The following FAM135B variants were observed in gnomAD, a reference collection of about 807,000 sequenced individuals.
FAM135B encodes family with sequence similarity 135 member B.
Under a neutral mutation model 127.7 loss-of-function variants are expected in FAM135B, and 43 were observed. That is an observed-to-expected ratio of 0.34 (90% CI 0.26 to 0.43). The LOEUF is 0.43. Among genes scored for constraint, FAM135B ranks in the 20% least tolerant of loss-of-function variants. FAM135B has a pLI of 1.00. For synonymous variants in FAM135B, 670 were observed against 665.1 expected (o/e 1.01, Z -0.11); for missense variants, 1,558 against 1,725.6 (o/e 0.90, Z 1.72).
At position 138,259,457 on chromosome 8, in the gene FAM135B, T is replaced by C. The variant is rs376654034; in HGVS notation, c.298-2698A>G. On this transcript the variant is annotated intron_variant, in intron 4 of 19. Transcript: ENST00000395297. ...ATTACACCTACTTGCAAAGCATTGT[T>C]ATCGTGTGAACTAAAATTTAAAAAC... is the stretch of plus-strand genomic sequence containing the variant. Among the ~76,000 whole-genome samples, 41 of 152,322 alleles carry C rather than the reference T, an allele frequency of 2.7e-4. No homozygotes were observed. The South Asian group carries it at 8.5e-3, about 32-fold the overall frequency.
chr8:138,281,951 C>T lies in FAM135B; in HGVS notation c.158-16109G>A, dbSNP rs557315641. ...TCAGCCTCCTGAGTAGCTGGAACTA[C>T]AGGCATGCACCATTGTGCCCAGCTG... On this transcript the variant is annotated intron_variant, in intron 3 of 19. Coordinates refer to ENST00000395297, the MANE Select transcript of FAM135B (RefSeq NM_015912.4). Among the ~76,000 whole-genome samples, 39 of 152,200 alleles carry T rather than the reference C, an allele frequency of 2.6e-4. 1 individual carries two copies. Among genetic ancestry groups the T allele is most frequent in the Non-Finnish European group, 4.3e-4 (29 of 68,042 alleles).
intron 7 of FAM135B, among the ~76,000 whole-genome samples, chr8:138,228,798 C>T (rs1041330273): frequency 1.4e-5 from 2 of 142,772 alleles, no homozygotes; most frequent in East Asian, 4.0e-4. Flanking sequence ...GCCTGCAATG[C>T]AGTGCAAGGC....
chr8:138,202,152 C>T (rs1817184101), intron 7 of FAM135B, among the ~76,000 whole-genome samples: 1 of 140,308 alleles, frequency 7.1e-6, no homozygotes. Flanking sequence ...GCACCTCTCC[C>T]CTTCTGAGAC....
Position 138,159,758 on chromosome 8 carries a change from T to A in FAM135B, c.1259-6542A>T, listed in dbSNP as rs185124207. Among the ~76,000 whole-genome samples the A allele has an allele frequency of 5.5e-3, 633 of 114,568 alleles. 5 individuals are homozygous for A. Among genetic ancestry groups the A allele is most frequent in the East Asian group, 0.016 (54 of 3,416 alleles). The allele number at this position is 114,568 out of a possible 152,430, so 75.2% of individuals were successfully genotyped here. On this transcript the variant is annotated intron_variant, in intron 12 of 19. Transcript: ENST00000395297. The stretch of plus-strand genomic sequence containing the variant: ...TACCCTAGAACTTAAAGTATAATTT[T>A]AAAAAAAAGAATTTGGCTTTTTTTC...
intron 7 of FAM135B, among the ~76,000 whole-genome samples, chr8:138,240,258 T>G (rs1456645299): frequency 6.6e-6 from 1 of 152,224 alleles, no homozygotes; most frequent in Non-Finnish European, 1.5e-5. Flanking sequence ...TACCGCATTG[T>G]AACAGTCTCC....
At chr8:138,153,916 T>C (rs2130800157) in intron 12 of FAM135B, among the ~76,000 whole-genome samples, 1 of 152,290 alleles carries the variant, frequency 6.6e-6, no homozygotes, top group East Asian at 1.9e-4. Context: ...AACTTCCCTG[T>C]CTGACAGCTT....
intron 9 of FAM135B, among the ~76,000 whole-genome samples, chr8:138,180,428 C>A (rs1328413007): frequency 6.6e-6 from 1 of 152,218 alleles, no homozygotes; most frequent in Non-Finnish European, 1.5e-5. Flanking sequence ...CACATCCAAT[C>A]CCATTCCTTT....
At position 138,242,051 on chromosome 8, in the gene FAM135B, C is replaced by T. The variant is rs1221044345; in HGVS notation, c.669+891G>A. ...GCTTTCCTGGTTCTGAGGCCTTTAG[C>T]CTTGGACTGGAATGATACCACCTGC... is the stretch of plus-strand genomic sequence containing the variant. On this transcript the variant is annotated intron_variant, in intron 7 of 19. Coordinates refer to ENST00000395297, the MANE Select transcript of FAM135B (RefSeq NM_015912.4). This position sits in a 1 kb window ranked among gnomAD's most constrained non-coding sequence, Gnocchi z 9.6. Among the ~76,000 whole-genome samples the T allele has an allele frequency of 1.3e-5, 2 of 152,022 alleles. No homozygotes were observed. The highest frequency in any genetic ancestry group is 2.9e-5 in the Non-Finnish European group (2 of 68,016).
rs539616101 is a variant in FAM135B at position 138,154,830 on chromosome 8, G to A, written c.1259-1614C>T. ...AAATATACATCTAATTCGTGTACCT[G>A]AAAGTGACGAGGAGAATGGAACCAA... On this transcript the variant is annotated intron_variant, in intron 12 of 19. Coordinates refer to ENST00000395297, the MANE Select transcript of FAM135B (RefSeq NM_015912.4). 3.3e-5 allele frequency among the ~76,000 whole-genome samples: 5 copies of A among 152,322 alleles called. No homozygotes were observed. In the South Asian group the frequency reaches 8.3e-4, roughly 25 times the overall value.
intron 1 of FAM135B, among the ~76,000 whole-genome samples, chr8:138,484,270 G>A (rs1814900947): frequency 6.6e-6 from 1 of 152,178 alleles, no homozygotes; most frequent in Non-Finnish European, 1.5e-5. Context: ...AGTTCACACA[G>A]CTGGGTGGCT....
intron 1 of FAM135B, among the ~76,000 whole-genome samples, chr8:138,472,878 C>G (rs188443309): frequency 3.3e-5 from 5 of 152,066 alleles, no homozygotes; most frequent in Admixed American, 6.5e-5. Context: ...TGATTGACAC[C>G]GCCTGATGTC....
At chr8:138,222,606 G>A (rs961386636) in intron 7 of FAM135B, among the ~76,000 whole-genome samples, 23 of 150,314 alleles carry the variant, frequency 1.5e-4, no homozygotes, top group African/African-American at 5.4e-4. Flanking sequence ...ACAAAAGCTA[G>A]TAAGTAGAAT....
At chr8:138,182,043 C>T (rs1815092567) in intron 9 of FAM135B, among the ~76,000 whole-genome samples, 1 of 152,186 alleles carries the variant, frequency 6.6e-6, no homozygotes, top group Admixed American at 6.5e-5. Flanking sequence ...ACTCAGACTG[C>T]CTCTCCCGGC....
intron 3 of FAM135B, among the ~76,000 whole-genome samples, chr8:138,310,259 G>A (rs527685964): frequency 6.6e-6 from 1 of 152,078 alleles, no homozygotes; most frequent in Non-Finnish European, 1.5e-5. Flanking sequence ...TTAATATTAT[G>A]TCTGTCTTTA....
chr8:138,473,846 G>A (rs1236633536), intron 1 of FAM135B, among the ~76,000 whole-genome samples: 1 of 152,154 alleles, frequency 6.6e-6, no homozygotes, highest in Non-Finnish European at 1.5e-5. Flanking sequence ...GAGAGAGAGA[G>A]AGAGAGACTT....
At chr8:138,219,796 T>A (rs892709609) in intron 7 of FAM135B, among the ~76,000 whole-genome samples, 1 of 152,028 alleles carries the variant, frequency 6.6e-6, no homozygotes, top group Non-Finnish European at 1.5e-5. Flanking sequence ...CAAATGTGTT[T>A]TTACTAGTCA....
intron 9 of FAM135B, among the ~76,000 whole-genome samples, chr8:138,179,414 A>C (rs564067208): frequency 1.3e-5 from 2 of 152,314 alleles, no homozygotes; most frequent in African/African-American, 4.8e-5. Flanking sequence ...ATCCTGCCAG[A>C]TACCCTTTGG....
Position 138,414,883 on chromosome 8 carries a change from T to C in FAM135B, c.-19-46881A>G, listed in dbSNP as rs145593064. ...AATCTCTGTGCAGAGATGATCTGTG[T>C]CCTCATCCCTCATTCGAATTTGGGC... is the stretch of plus-strand genomic sequence containing the variant. On this transcript the variant is annotated intron_variant, in intron 1 of 19. Transcript: ENST00000395297. Among the ~76,000 whole-genome samples the C allele has an allele frequency of 2.7e-3, 409 of 152,236 alleles. 2 individuals carry two copies. Among genetic ancestry groups the C allele is most frequent in the African/African-American group, 9.2e-3 (384 of 41,556 alleles).
chr8:138,161,135 A>G (rs796961144), intron 12 of FAM135B, among the ~76,000 whole-genome samples: 7 of 152,326 alleles, frequency 4.6e-5, no homozygotes, highest in African/African-American at 1.7e-4. Context: ...TGGGGAAGAC[A>G]GATTTCTACT....
Sources: gnomAD v4.1 joint callset for allele counts (sites outside exome capture counted in the v4.1 genomes callset) on GRCh38, gnomAD v4.1.1 for gene constraint, Gnocchi (gnomAD v3.1) non-coding constraint, MANE v1.5 for transcripts, NCBI Gene and HGNC (gene_info 2026-07-23, HGNC 2026-07-21) for gene names.